IL20RB: variants seen among roughly 807,000 people sequenced by gnomAD.
The protein encoded by IL20RB is interleukin 20 receptor subunit beta.
A neutral mutation model predicts 33.3 loss-of-function variants in IL20RB; 21 were observed. The observed-to-expected ratio is 0.63, with a 90% CI of 0.45 to 0.91. The LOEUF is 0.91. Ranked by LOEUF, IL20RB falls within the 40% of genes least tolerant of loss-of-function variation. IL20RB has a pLI of 0.00. For missense variants in IL20RB, 345 were observed against 384.8 expected (o/e 0.90, Z 0.86); for synonymous variants, 147 against 146.8 (o/e 1.00, Z -0.01).
chr3:136,984,474 T>G (rs1941855263), intron 3 of IL20RB, among the ~76,000 whole-genome samples: 1 of 152,088 alleles, frequency 6.6e-6, no homozygotes, highest in Non-Finnish European at 1.5e-5. Flanking sequence ...GATAAGGGTC[T>G]TCTTTGGTCT....
At chr3:136,997,866 C>T (rs1273312485) in intron 6 of IL20RB, among the ~76,000 whole-genome samples, 3 of 151,806 alleles carry the variant, frequency 2.0e-5, no homozygotes, top group Non-Finnish European at 4.4e-5. Flanking sequence ...CTCTGCCTCC[C>T]GGGTTTAAGG....
chr3:136,980,428 A>G (rs1321652280), intron 1 of IL20RB, 38 bp from the exon 2 acceptor site: 1 of 1,613,830 alleles, frequency 6.2e-7, no homozygotes, highest in South Asian at 1.1e-5. Context: ...CCCCACTATG[A>G]GCCCACCTGT....
At position 136,979,002 on chromosome 3, in the gene IL20RB, T is replaced by G. The variant is rs186082863; in HGVS notation, c.89-1464T>G. On this transcript the variant is annotated intron_variant, in intron 1 of 6. Transcript: ENST00000329582. ...TAATTATGTAATTAAATTAGTTATA[T>G]AAAATGTAGCTTTGTATTTATATAG... is the stretch of plus-strand genomic sequence containing the variant. 1.2e-4 allele frequency among the ~76,000 whole-genome samples: 18 copies of G among 152,364 alleles called. No homozygotes were observed. The East Asian group carries it at 3.5e-3, about 29-fold the overall frequency.
At chr3:136,973,930 C>T (rs1941553528) in intron 1 of IL20RB, among the ~76,000 whole-genome samples, 2 of 151,848 alleles carry the variant, frequency 1.3e-5, no homozygotes, top group South Asian at 4.2e-4. Context: ...TTTTTCCATC[C>T]CTTTTAGTCC....
Position 137,010,395 on chromosome 3 carries a change from C to G in IL20RB, c.*172C>G, listed in dbSNP as rs1577038520. 3 of 564,720 alleles carry G rather than the reference C, an allele frequency of 5.3e-6. No homozygotes were observed. Among genetic ancestry groups the G allele is most frequent in the Non-Finnish European group, 9.7e-6 (3 of 310,646 alleles). The allele number at this position is 564,720 out of a possible 1,614,324, so 35.0% of individuals were successfully genotyped here. A position where few individuals can be genotyped will look rare whatever the true frequency, so the allele number is the denominator to read the frequency against. Reference sequence around the variant, plus strand: ...ATCAGAGGCAGGGTGGTTTGTCTAACAGAACACTGACTGAGGCTTAGGGGA... The same window carrying G: ...ATCAGAGGCAGGGTGGTTTGTCTAAGAGAACACTGACTGAGGCTTAGGGGA... On this transcript the variant is annotated 3_prime_UTR_variant, in exon 7 of 7. Coordinates refer to ENST00000329582, the MANE Select transcript of IL20RB (RefSeq NM_144717.4).
In IL20RB at chr3:137,010,236, G is replaced by A; in HGVS notation, c.*13G>A. Reference sequence around the variant, plus strand: ...CTGGATCTCATAGGTTTGCGGAAGGGCCCAGGTGAAGCCGAGAACCTGGTC... The same window carrying A: ...CTGGATCTCATAGGTTTGCGGAAGGACCCAGGTGAAGCCGAGAACCTGGTC... On this transcript the variant is annotated 3_prime_UTR_variant, in exon 7 of 7. Transcript: ENST00000329582. 2 of 1,308,562 alleles carry A rather than the reference G, an allele frequency of 1.5e-6. No individual in the cohort carries two copies. Among genetic ancestry groups the A allele is most frequent in the Non-Finnish European group, 1.1e-6 (1 of 902,092 alleles). 81.1% of individuals were successfully genotyped at this position (1,308,562 alleles called of 1,614,324 possible).
intron 1 of IL20RB, among the ~76,000 whole-genome samples, chr3:136,973,841 T>G (rs891254569): frequency 3.3e-5 from 5 of 152,192 alleles, no homozygotes; most frequent in African/African-American, 1.2e-4. Context: ...TTTTAATTGC[T>G]TTTGACTTGA....
intron 6 of IL20RB, 97 bp downstream of exon 6, chr3:136,995,653 T>G (rs773183992): frequency 1.7e-6 from 2 of 1,210,972 alleles, no homozygotes; most frequent in South Asian, 2.7e-5. Context: ...GTTTCTATCA[T>G]GAGATTATAG....
intron 6 of IL20RB, among the ~76,000 whole-genome samples, chr3:136,998,000 C>T (rs962258304): frequency 6.6e-5 from 10 of 151,992 alleles, no homozygotes; most frequent in Non-Finnish European, 1.3e-4. Flanking sequence ...GAATTCCTGA[C>T]CTCAGGTGAT....
chr3:137,006,017 C>G lies in IL20RB; in HGVS notation c.826-4096C>G, dbSNP rs1320234885. The stretch of plus-strand genomic sequence containing the variant: ...TGTAAAGAATTTTATTTCTCTTTCA[C>G]TTATGAAGCTTAGTTTGGCTGGATA... On this transcript the variant is annotated intron_variant, in intron 6 of 6. Coordinates refer to ENST00000329582, the MANE Select transcript of IL20RB (RefSeq NM_144717.4). 1.3e-5 allele frequency among the ~76,000 whole-genome samples: 2 copies of G among 152,168 alleles called. 1 individual carries two copies. Among genetic ancestry groups the G allele is most frequent in the East Asian group, 3.8e-4 (2 of 5,198 alleles).
intron 3 of IL20RB, among the ~76,000 whole-genome samples, chr3:136,983,094 CTT>C (rs796518012): frequency 6.8e-6 from 1 of 146,620 alleles, no homozygotes. Flanking sequence ...AGGTCTATCT[CTT>C]TTTTTTTTTG....
Position 136,963,691 on chromosome 3 carries a change from TTA to T in IL20RB, c.88+5492_88+5493del, listed in dbSNP as rs1491477958. On this transcript the variant is annotated intron_variant, in intron 1 of 6. Transcript: ENST00000329582. ...AGATACTAGTTCTTTTTTTTTTTTTTTATTTTTTTTTTTTATTATACTCTAAG... is the reference window on the plus strand; with the variant it reads ...AGATACTAGTTCTTTTTTTTTTTTTTTTTTTTTTTTTTATTATACTCTAAG... 4.6e-4 allele frequency among the ~76,000 whole-genome samples: 43 copies of T among 93,014 alleles called. No individual in the cohort carries two copies. In the East Asian group the frequency reaches 0.017, roughly 37 times the overall value. The allele number at this position is 93,014 out of a possible 152,430, so 61.0% of individuals were successfully genotyped here.
intron 4 of IL20RB, among the ~76,000 whole-genome samples, chr3:136,990,690 C>T (rs536726708): frequency 4.3e-4 from 66 of 152,342 alleles, no homozygotes; most frequent in African/African-American, 1.5e-3. Context: ...TTGGACCCTT[C>T]TCAGGCCAAG....
rs1941088474 is a variant in IL20RB at position 136,958,003 on chromosome 3, G to A, written c.-111G>A. On this transcript the variant is annotated 5_prime_UTR_variant, in exon 1 of 7. Transcript: ENST00000329582. ...GCTCTAGAACAATTCAGGCTTCGCT[G>A]CGACTCAGACCTCAGCTCCAACATA... 1.4e-6 allele frequency: 1 copy of A among 714,340 alleles called. No individual in the cohort carries two copies. Among genetic ancestry groups the A allele is most frequent in the African/African-American group, 1.8e-5 (1 of 55,720 alleles). 44.3% of individuals were successfully genotyped at this position (714,340 alleles called of 1,614,324 possible).
rs184306772 is a variant in IL20RB, at chr3:136,983,275, A to G, written c.406+925A>G. Among the ~76,000 whole-genome samples the G allele has an allele frequency of 1.4e-3, 219 of 152,180 alleles. 1 individual carries two copies. Among genetic ancestry groups the G allele is most frequent in the African/African-American group, 5.1e-3 (213 of 41,500 alleles). On this transcript the variant is annotated intron_variant, in intron 3 of 6. Transcript: ENST00000329582. The stretch of plus-strand genomic sequence containing the variant: ...GCTAATTTTTGTATTTTTAGTAGAG[A>G]CAGGGTTTCACTATGTTTTCCAGGC...
rs187923520 is a variant in IL20RB at position 137,004,249 on chromosome 3, G to A, written c.826-5864G>A. 3.9e-4 allele frequency among the ~76,000 whole-genome samples: 59 copies of A among 152,280 alleles called. No homozygotes were observed. In the East Asian group the frequency reaches 6.4e-3, roughly 16 times the overall value. On this transcript the variant is annotated intron_variant, in intron 6 of 6. Coordinates refer to ENST00000329582, the MANE Select transcript of IL20RB (RefSeq NM_144717.4). Reference sequence around the variant, plus strand: ...TTTTTTGTGTGTATGTCTCTGCCAGGCTTTGATATCAGGATGATGCTGGCC... The same window carrying A: ...TTTTTTGTGTGTATGTCTCTGCCAGACTTTGATATCAGGATGATGCTGGCC...
At chr3:136,958,911 T>TTCTCTCTC (rs3077025) in intron 1 of IL20RB, among the ~76,000 whole-genome samples, 5,822 of 150,042 alleles carry the variant, frequency 0.039, 350 homozygotes, top group African/African-American at 0.12. Context: ...CTTGAGTACT[T>TTCTCTCTC]TCTCTCTCTC....
chr3:136,971,421 G>A (rs375250128), intron 1 of IL20RB, among the ~76,000 whole-genome samples: 3 of 152,282 alleles, frequency 2.0e-5, no homozygotes, highest in East Asian at 1.9e-4. Flanking sequence ...GTGAGCCACC[G>A]CGCCCGGCCA....
intron 6 of IL20RB, among the ~76,000 whole-genome samples, chr3:137,005,408 T>A (rs1942330836): frequency 6.6e-6 from 1 of 152,150 alleles, no homozygotes; most frequent in Admixed American, 6.5e-5. Context: ...CTAAGTCTCT[T>A]TGTAGTTCTC....
Sources: allele counts gnomAD v4.1 joint callset (sites outside exome capture counted in the v4.1 genomes callset), GRCh38; gene constraint gnomAD v4.1.1; transcripts MANE v1.5; gene names NCBI Gene and HGNC (gene_info 2026-07-23, HGNC 2026-07-21).